The following RBM15B variants were observed in gnomAD, a reference collection of about 807,000 sequenced individuals.
The protein encoded by RBM15B is putative RNA-binding protein 15B.
A neutral mutation model predicts 53.3 loss-of-function variants in RBM15B; 11 were observed. The ratio of observed to expected loss-of-function variants is 0.21; its 90% CI spans 0.13 to 0.34. The LOEUF is 0.34. Among genes scored for constraint, RBM15B ranks in the 10% least tolerant of loss-of-function variants. The probability of loss-of-function intolerance (pLI) is 1.00; values close to 1 mark genes in which losing one functional copy is unlikely to be tolerated. For synonymous variants in RBM15B, 631 were observed against 540.7 expected (o/e 1.17, Z -2.32); for missense variants, 1,136 against 1,250.3 (o/e 0.91, Z 1.38).
Position 51,392,233 on chromosome 3 carries a change from TGCCCGTCACGCCGCCGCAGCCTTC to T in RBM15B, c.839_862del (p.Arg280_Ala287del). 6.4e-7 allele frequency: 1 copy of T among 1,569,862 alleles called. No individual in the cohort carries two copies. Among genetic ancestry groups the T allele is most frequent in the African/African-American group, 1.3e-5 (1 of 74,328 alleles). ...CTGCCCCGCCCCTGCGGGAGCCCCG[TGCCCGTCACGCCGCCGCAGCCTTC>T]GCCCTGGATGCCGCTGCTGCCGCCG... is the stretch of plus-strand genomic sequence containing the variant. On this transcript the variant is annotated inframe_deletion, in exon 1 of 1. Transcript: ENST00000563281. This position sits in a 1 kb window ranked among gnomAD's most constrained non-coding sequence, Gnocchi z 7.5.
At position 51,393,763 on chromosome 3, in the gene RBM15B, C is replaced by T. The variant is rs1577020403; in HGVS notation, c.2364C>T (p.Pro788=). Residue 788 remains proline, a synonymous_variant, in exon 1 of 1, where the codon CCC becomes CCT. Coordinates refer to ENST00000563281, the MANE Select transcript of RBM15B (RefSeq NM_013286.5). The surrounding 1 kb of genome is among the most constrained non-coding windows in gnomAD (Gnocchi z 5.6). ...EVTRRIKQGS[P]NGYAVLLATQ... ...CACGACGCATCAAGCAGGGGAGCCC[C>T]AACGGCTATGCGGTCCTCTTAGCCA... 2 of 1,613,850 alleles carry T rather than the reference C, an allele frequency of 1.2e-6. No individual in the cohort carries two copies. The highest frequency in any genetic ancestry group is 4.5e-5 in the East Asian group (2 of 44,862).
Position 51,394,756 on chromosome 3 carries a change from C to CAG in RBM15B, c.*687_*688dup, listed in dbSNP as rs1445393588. On this transcript the variant is annotated 3_prime_UTR_variant, in exon 1 of 1. Transcript: ENST00000563281. ...TTGAGCTGTGGCTGTTTGTTTGGGA[C>CAG]AGAGTGCCCACTCAGCATGTTTGGC... 6.0e-6 allele frequency: 1 copy of CAG among 167,098 alleles called. No individual in the cohort carries two copies. Among genetic ancestry groups the CAG allele is most frequent in the Non-Finnish European group, 1.5e-5 (1 of 68,186 alleles). The allele number at this position is 167,098 out of a possible 1,614,324, so 10.4% of individuals were successfully genotyped here. A position where few individuals can be genotyped will look rare whatever the true frequency, so the allele number is the denominator to read the frequency against.
rs147738916 is a variant in RBM15B, at chr3:51,393,393, A to G, written c.1994A>G (p.His665Arg). 2.4e-4 allele frequency: 379 copies of G among 1,605,396 alleles called. No individual in the cohort carries two copies. The highest frequency in any genetic ancestry group is 1.6e-4 in the Middle Eastern group (1 of 6,066). ...NSRHGAEERG[H>R]HHHHHEAADS... ...AGACATGGGGCTGAGGAACGGGGCC[A>G]CCACCACCACCACCACGAGGCTGCA... The change falls in exon 1 of 1, where the codon CAC (histidine) becomes CGC (arginine). Residue 665 changes from histidine to arginine, a missense_variant. This residue lies in a region of RBM15B where 578 missense variants were observed against 581.6 expected (regional missense o/e 0.99). Transcript: ENST00000563281. The surrounding 1 kb of genome is among the most constrained non-coding windows in gnomAD (Gnocchi z 5.6).
At position 51,395,457 on chromosome 3, in the gene RBM15B, GAC is replaced by G. The variant is rs1285223879; in HGVS notation, c.*1387_*1388del. 1 of 217,216 alleles carries G rather than the reference GAC, an allele frequency of 4.6e-6. No individual in the cohort carries two copies. Among genetic ancestry groups the G allele is most frequent in the Non-Finnish European group, 9.9e-6 (1 of 101,506 alleles). The allele number at this position is 217,216 out of a possible 1,614,324, so 13.5% of individuals were successfully genotyped here. ...TCAAGTAAGTAAGGAAGGTACTGCG[GAC>G]AGTGTGGGCCAGGGAGGAAAACCAG... On this transcript the variant is annotated 3_prime_UTR_variant, in exon 1 of 1. Coordinates refer to ENST00000563281, the MANE Select transcript of RBM15B (RefSeq NM_013286.5).
In RBM15B at chr3:51,391,500, G is replaced by A; in HGVS notation, c.101G>A (p.Gly34Glu). The change falls in exon 1 of 1, where the codon GGG becomes GAG. Residue 34 changes from glycine (G) to glutamate (E), a missense_variant. This residue lies in a region of RBM15B where 257 missense variants were observed against 261.1 expected (regional missense o/e 0.98). Coordinates refer to ENST00000563281, the MANE Select transcript of RBM15B (RefSeq NM_013286.5). This position sits in a 1 kb window ranked among gnomAD's most constrained non-coding sequence, Gnocchi z 4.5. ...REREREAEAG[G>E]RRAAHKASGG... is the part of the protein sequence containing the mutation. ...CGCGAACGGGAGGCGGAGGCGGGCG[G>A]GCGGCGGGCGGCGCACAAGGCCTCT... is the stretch of plus-strand genomic sequence containing the variant. The A allele has an allele frequency of 1.6e-6, 2 of 1,221,732 alleles. No individual in the cohort carries two copies. Among genetic ancestry groups the A allele is most frequent in the South Asian group, 3.2e-5 (1 of 31,238 alleles). The allele number at this position is 1,221,732 out of a possible 1,614,324, so 75.7% of individuals were successfully genotyped here. A position where few individuals can be genotyped will look rare whatever the true frequency, so the allele number is the denominator to read the frequency against.
At position 51,391,653 on chromosome 3, in the gene RBM15B, C is replaced by G. The variant is rs1469523308; in HGVS notation, c.254C>G (p.Ser85Cys). 1.7e-6 allele frequency: 2 copies of G among 1,200,374 alleles called. No homozygotes were observed. Among genetic ancestry groups the G allele is most frequent in the Admixed American group, 4.5e-5 (1 of 22,374 alleles). The allele number at this position is 1,200,374 out of a possible 1,614,324, so 74.4% of individuals were successfully genotyped here. A position where few individuals can be genotyped will look rare whatever the true frequency, so the allele number is the denominator to read the frequency against. The change falls in exon 1 of 1, where the codon TCC (serine) becomes TGC (cysteine). Residue 85 changes from serine to cysteine, a missense_variant. By Grantham distance (112) the Ser-to-Cys change is moderately radical. Coordinates refer to ENST00000563281, the MANE Select transcript of RBM15B (RefSeq NM_013286.5). This position sits in a 1 kb window ranked among gnomAD's most constrained non-coding sequence, Gnocchi z 4.5. The part of the protein sequence containing the change: ...DANHRASSGR[S>C]SGSGAGGGGR... ...AATCACCGCGCGAGTAGCGGGCGCT[C>G]CTCGGGCTCCGGCGCTGGCGGCGGG... is the stretch of plus-strand genomic sequence containing the variant.
Position 51,393,341 on chromosome 3 carries a change from T to A in RBM15B, c.1942T>A (p.Ser648Thr). Residue 648 changes from serine (S) to threonine (T), a missense_variant, in exon 1 of 1, where the codon TCC (serine) becomes ACC (threonine). Around this residue, in one of 7 missense-constraint regions of RBM15B, gnomAD observed 578 missense variants for 581.6 expected, o/e 0.99. Coordinates refer to ENST00000563281, the MANE Select transcript of RBM15B (RefSeq NM_013286.5). This position sits in a 1 kb window ranked among gnomAD's most constrained non-coding sequence, Gnocchi z 5.6. ...ENHSSEGTKE[S>T]SSNSLSNSRH... ...CCACTCCAGTGAAGGGACCAAGGAG[T>A]CCAGCAGCAACTCCCTCAGCAACAG... 1 of 1,609,326 alleles carries A rather than the reference T, an allele frequency of 6.2e-7. No homozygotes were observed. Among genetic ancestry groups the A allele is most frequent in the Non-Finnish European group, 8.5e-7 (1 of 1,178,522 alleles).
At position 51,393,630 on chromosome 3, in the gene RBM15B, A is replaced by G. The variant is rs530322170; in HGVS notation, c.2231A>G (p.Gln744Arg). The part of the protein sequence containing the change: ...PTSMHILEGD[Q>R]GVISSLLKDH... ...TCTATGCATATCCTAGAGGGGGACC[A>G]GGGGGTGATCAGCAGTCTCCTCAAA... is the stretch of plus-strand genomic sequence containing the variant. The change falls in exon 1 of 1, where the codon CAG becomes CGG. Residue 744 changes from glutamine to arginine, a missense_variant. Coordinates refer to ENST00000563281, the MANE Select transcript of RBM15B (RefSeq NM_013286.5). The surrounding 1 kb of genome is among the most constrained non-coding windows in gnomAD (Gnocchi z 5.6). The G allele has an allele frequency of 1.2e-6, 2 of 1,613,592 alleles. No homozygotes were observed. Among genetic ancestry groups the G allele is most frequent in the South Asian group, 2.2e-5 (2 of 91,046 alleles).
In RBM15B at chr3:51,396,211, T is replaced by A. The variant is rs2089192738; in HGVS notation, c.*2139T>A. 1 of 333,904 alleles carries A rather than the reference T, an allele frequency of 3.0e-6. No homozygotes were observed. The highest frequency in any genetic ancestry group is 4.8e-5 in the East Asian group (1 of 20,692). The allele number at this position is 333,904 out of a possible 1,614,324, so 20.7% of individuals were successfully genotyped here. ...CCCAGCTTTGTGAGACAGAACCAAG[T>A]AAAAGGAAACATGCTAGAAAACGTG... On this transcript the variant is annotated 3_prime_UTR_variant, in exon 1 of 1. Transcript: ENST00000563281.
rs1376092693 is a variant in RBM15B, at chr3:51,392,269, C to T, written c.870C>T (p.Ala290=). 3 of 1,601,824 alleles carry T rather than the reference C, an allele frequency of 1.9e-6. No homozygotes were observed. The highest frequency in any genetic ancestry group is 1.7e-5 in the Admixed American group (1 of 59,416). Reference sequence around the variant, plus strand: ...CCGCCGCAGCCTTCGCCCTGGATGCCGCTGCTGCCGCCGCCGTGGGACTGT... The same window carrying T: ...CCGCCGCAGCCTTCGCCCTGGATGCTGCTGCTGCCGCCGCCGTGGGACTGT... The part of the protein sequence containing the change: ...RHAAAAFALD[A]AAAAAVGLSR... The change falls in exon 1 of 1, where the codon GCC becomes GCT. Residue 290 remains alanine, a synonymous_variant. Coordinates refer to ENST00000563281, the MANE Select transcript of RBM15B (RefSeq NM_013286.5). This position sits in a 1 kb window ranked among gnomAD's most constrained non-coding sequence, Gnocchi z 7.5.
rs1390485665 is a variant in RBM15B, at chr3:51,396,169, G to C, written c.*2097G>C. 9 of 383,704 alleles carry C rather than the reference G, an allele frequency of 2.3e-5. No homozygotes were observed. The allele number at this position is 383,704 out of a possible 1,614,324, so 23.8% of individuals were successfully genotyped here. A position where few individuals can be genotyped will look rare whatever the true frequency, so the allele number is the denominator to read the frequency against. ...TTCATGAAGCAGGTGCTCAGGACCC[G>C]GAAGAATCATCTACCTCCCAGCTTT... is the stretch of plus-strand genomic sequence containing the variant. On this transcript the variant is annotated 3_prime_UTR_variant, in exon 1 of 1. Coordinates refer to ENST00000563281, the MANE Select transcript of RBM15B (RefSeq NM_013286.5).
At position 51,396,092 on chromosome 3, in the gene RBM15B, G is replaced by A. The variant is rs1045537409; in HGVS notation, c.*2020G>A. The A allele has an allele frequency of 2.2e-5, 9 of 410,770 alleles. No homozygotes were observed. The highest frequency in any genetic ancestry group is 3.6e-5 in the Non-Finnish European group (8 of 225,098). 25.4% of individuals were successfully genotyped at this position (410,770 alleles called of 1,614,324 possible). On this transcript the variant is annotated 3_prime_UTR_variant, in exon 1 of 1. Transcript: ENST00000563281. ...AACGCCTGAGTCACAGGCCAGAGCT[G>A]CCTTGGTATGTTGTTAAGTCCAAAA... is the stretch of plus-strand genomic sequence containing the variant.
At position 51,393,278 on chromosome 3, in the gene RBM15B, G is replaced by A; in HGVS notation, c.1879G>A (p.Gly627Ser). ...TKGSGQQSER[G>S]SDRTPERSRK... is the part of the protein sequence containing the mutation. ...GGGCAGTGGGCAGCAGTCAGAGCGG[G>A]GCTCCGACCGCACCCCTGAGCGCAG... Residue 627 changes from glycine (G) to serine (S), a missense_variant, in exon 1 of 1, where the codon GGC becomes AGC. Gly to Ser is a moderately conservative substitution (Grantham distance 56, BLOSUM62 0). Coordinates refer to ENST00000563281, the MANE Select transcript of RBM15B (RefSeq NM_013286.5). This position sits in a 1 kb window ranked among gnomAD's most constrained non-coding sequence, Gnocchi z 5.6. 1 of 1,611,616 alleles carries A rather than the reference G, an allele frequency of 6.2e-7. No homozygotes were observed. Among genetic ancestry groups the A allele is most frequent in the South Asian group, 1.1e-5 (1 of 90,940 alleles).
At position 51,393,387 on chromosome 3, in the gene RBM15B, G is replaced by A. The variant is rs782521873; in HGVS notation, c.1988G>A (p.Arg663Gln). The A allele has an allele frequency of 3.7e-6, 6 of 1,613,422 alleles. No individual in the cohort carries two copies. The highest frequency in any genetic ancestry group is 3.3e-4 in the Middle Eastern group (2 of 6,062). Residue 663 changes from arginine (R) to glutamine (Q), a missense_variant, in exon 1 of 1, where the codon CGG (arginine) becomes CAG (glutamine). This residue lies in a region of RBM15B where 578 missense variants were observed against 581.6 expected (regional missense o/e 0.99). Transcript: ENST00000563281. This position sits in a 1 kb window ranked among gnomAD's most constrained non-coding sequence, Gnocchi z 5.6. ...LSNSRHGAEE[R>Q]GHHHHHHEAA... is the part of the protein sequence containing the mutation. Reference sequence around the variant, plus strand: ...AACAGCAGACATGGGGCTGAGGAACGGGGCCACCACCACCACCACCACGAG... The same window carrying A: ...AACAGCAGACATGGGGCTGAGGAACAGGGCCACCACCACCACCACCACGAG...
Position 51,392,758 on chromosome 3 carries a change from T to C in RBM15B, c.1359T>C (p.Asp453=), listed in dbSNP as rs781948784. The C allele has an allele frequency of 7.4e-6, 12 of 1,614,130 alleles. No homozygotes were observed. The highest frequency in any genetic ancestry group is 3.3e-4 in the Middle Eastern group (2 of 6,062). ...SIRTIDHVKG[D]SFAYIQYESL... ...GGACCATTGATCACGTCAAAGGAGA[T>C]AGCTTTGCCTATATTCAGTACGAGA... is the stretch of plus-strand genomic sequence containing the variant. The change falls in exon 1 of 1, where the codon GAT becomes GAC. Residue 453 remains aspartate, a synonymous_variant. Coordinates refer to ENST00000563281, the MANE Select transcript of RBM15B (RefSeq NM_013286.5). The surrounding 1 kb of genome is among the most constrained non-coding windows in gnomAD (Gnocchi z 7.5).
Position 51,393,813 on chromosome 3 carries a change from G to C in RBM15B, c.2414G>C (p.Gly805Ala). 1 of 1,613,054 alleles carries C rather than the reference G, an allele frequency of 6.2e-7. No individual in the cohort carries two copies. The highest frequency in any genetic ancestry group is 8.5e-7 in the Non-Finnish European group (1 of 1,179,744). The change falls in exon 1 of 1, where the codon GGC becomes GCC. Residue 805 changes from glycine to alanine, a missense_variant. Physicochemically the swap from Gly to Ala is moderately conservative, Grantham distance 60 (BLOSUM62 0). Around this residue, in one of 7 missense-constraint regions of RBM15B, gnomAD observed 578 missense variants for 581.6 expected, o/e 0.99. Transcript: ENST00000563281. The surrounding 1 kb of genome is among the most constrained non-coding windows in gnomAD (Gnocchi z 5.6). ...LATQATPSGL[G>A]TEGMPTVEPG... is the part of the protein sequence containing the mutation. ...ACCCAGGCAACCCCCAGTGGGCTTG[G>C]CACTGAGGGGATGCCCACAGTAGAG...
rs1382838993 is a variant in RBM15B at position 51,397,395 on chromosome 3, C to T, written c.*3323C>T. On this transcript the variant is annotated 3_prime_UTR_variant, in exon 1 of 1. Transcript: ENST00000563281. ...CCACTACCCCTAACCTGCCAGGATGCTCAAGTCCACTGTCACAATCCCTTT... is the reference window on the plus strand; with the variant it reads ...CCACTACCCCTAACCTGCCAGGATGTTCAAGTCCACTGTCACAATCCCTTT... The T allele has an allele frequency of 1.2e-5, 2 of 167,086 alleles. No individual in the cohort carries two copies. The highest frequency in any genetic ancestry group is 2.4e-5 in the African/African-American group (1 of 41,442). 10.4% of individuals were successfully genotyped at this position (167,086 alleles called of 1,614,324 possible).
chr3:51,393,158 C>A lies in RBM15B; in HGVS notation c.1759C>A (p.Pro587Thr). 6.2e-7 allele frequency: 1 copy of A among 1,613,950 alleles called. No homozygotes were observed. Among genetic ancestry groups the A allele is most frequent in the Non-Finnish European group, 8.5e-7 (1 of 1,179,906 alleles). The stretch of plus-strand genomic sequence containing the variant: ...GGGGGCAGATGGAGACCGTGGTTTG[C>A]CCAAGCCCTGGGAAGAGAGGCGGAA... ...RWGADGDRGLPKPWEERRKRR... is the reference protein window; with the variant it reads ...RWGADGDRGLTKPWEERRKRR... The change falls in exon 1 of 1, where the codon CCC (proline) becomes ACC (threonine). Residue 587 changes from proline to threonine, a missense_variant. By Grantham distance (38) the Pro-to-Thr change is conservative. This residue lies in a region of RBM15B where 578 missense variants were observed against 581.6 expected (regional missense o/e 0.99). Coordinates refer to ENST00000563281, the MANE Select transcript of RBM15B (RefSeq NM_013286.5). This position sits in a 1 kb window ranked among gnomAD's most constrained non-coding sequence, Gnocchi z 5.6.
At position 51,391,657 on chromosome 3, in the gene RBM15B, G is replaced by C; in HGVS notation, c.258G>C (p.Ser86=). ...ACCGCGCGAGTAGCGGGCGCTCCTC[G>C]GGCTCCGGCGCTGGCGGCGGGGGAC... ...ANHRASSGRS[S]GSGAGGGGRG... The change falls in exon 1 of 1, where the codon TCG becomes TCC. Residue 86 remains serine, a synonymous_variant. Transcript: ENST00000563281. The surrounding 1 kb of genome is among the most constrained non-coding windows in gnomAD (Gnocchi z 4.5). The C allele has an allele frequency of 8.3e-7, 1 of 1,201,694 alleles. No homozygotes were observed. Among genetic ancestry groups the C allele is most frequent in the Non-Finnish European group, 1.0e-6 (1 of 969,534 alleles). The allele number at this position is 1,201,694 out of a possible 1,614,324, so 74.4% of individuals were successfully genotyped here.
Sources: gnomAD v4.1 joint callset for allele counts on GRCh38, gnomAD v4.1.1 for gene constraint, gnomAD v4.1.1 regional missense constraint, Gnocchi (gnomAD v3.1) non-coding constraint, MANE v1.5 for transcripts, NCBI Gene and HGNC (gene_info 2026-07-23, HGNC 2026-07-21) for gene names.